Variants in BRD4 observed in about 807,000 individuals in gnomAD.
BRD4 encodes the protein bromodomain containing 4.
Under a neutral mutation model 142.1 loss-of-function variants are expected in BRD4, and 16 were observed. The observed-to-expected ratio is 0.11, with a 90% CI of 0.08 to 0.17. BRD4 has a LOEUF of 0.17. Ranked by LOEUF, BRD4 falls within the 10% of genes least tolerant of loss-of-function variation. The probability of loss-of-function intolerance (pLI) is 1.00; values close to 1 mark genes in which losing one functional copy is unlikely to be tolerated. For missense variants in BRD4, 1,424 were observed against 1,810.9 expected (o/e 0.79, Z 3.88); for synonymous variants, 833 against 707.5 (o/e 1.18, Z -2.82).
intron 2 of BRD4, among the ~76,000 whole-genome samples, chr19:15,272,165 A>G (rs2047595054): frequency 1.3e-5 from 2 of 152,186 alleles, no homozygotes; most frequent in Admixed American, 1.3e-4. Flanking sequence ...ACATGGGCAT[A>G]TGGAAAACTC....
intron 1 of BRD4, among the ~76,000 whole-genome samples, chr19:15,317,497 T>C (rs143293351): frequency 1.3e-5 from 2 of 152,154 alleles, no homozygotes; most frequent in South Asian, 4.1e-4. Context: ...AAATGTAGTT[T>C]TATACTTTAC....
chr19:15,308,147 CGGGGGGGGGGGG>C (rs797004193), intron 1 of BRD4, among the ~76,000 whole-genome samples: 1 of 2,962 alleles, frequency 3.4e-4, no homozygotes, highest in Non-Finnish European at 8.6e-4. Flanking sequence ...GTTGCGGGGC[CGGGGGGGGGGGG>C]GGGGGTGGGT....
In BRD4 at chr19:15,239,319, A is replaced by G; in HGVS notation, c.3577-55T>C. 6.2e-7 allele frequency: 1 copy of G among 1,613,956 alleles called. No individual in the cohort carries two copies. The highest frequency in any genetic ancestry group is 8.5e-7 in the Non-Finnish European group (1 of 1,180,006). ...GGGGTCTGCTGTGCCTAAAGGGCAT[A>G]GCTGGGGGTGTGCCCAGCATGGCAC... is the stretch of plus-strand genomic sequence containing the variant. On this transcript the variant is annotated intron_variant, in intron 17 of 19. Coordinates refer to ENST00000679869, the MANE Select transcript of BRD4 (RefSeq NM_001379291.1). This position sits in a 1 kb window ranked among gnomAD's most constrained non-coding sequence, Gnocchi z 7.4.
chr19:15,253,664 C>T, intron 11 of BRD4: 1 of 1,598,250 alleles, frequency 6.3e-7, no homozygotes, highest in Non-Finnish European at 8.5e-7. Flanking sequence ...GGCTGGCCAG[C>T]TGCAGTCTGC....
At chr19:15,330,731 C>T (rs1457187032) in intron 1 of BRD4, among the ~76,000 whole-genome samples, 1 of 152,160 alleles carries the variant, frequency 6.6e-6, no homozygotes, top group Non-Finnish European at 1.5e-5. Context: ...CGCGCCACTG[C>T]ACTACAGCCT....
chr19:15,302,498 G>C (rs1225649646), intron 1 of BRD4, among the ~76,000 whole-genome samples: 3 of 151,960 alleles, frequency 2.0e-5, no homozygotes, highest in Non-Finnish European at 4.4e-5. Flanking sequence ...GCAAAACCCT[G>C]TCTCTACTAA....
intron 1 of BRD4, among the ~76,000 whole-genome samples, chr19:15,319,904 A>G (rs898900921): frequency 6.6e-6 from 1 of 152,004 alleles, no homozygotes; most frequent in Non-Finnish European, 1.5e-5. Context: ...CCACTGCACT[A>G]CGGCCTGGGC....
At chr19:15,324,524 A>T (rs1248119984) in intron 1 of BRD4, among the ~76,000 whole-genome samples, 1 of 152,054 alleles carries the variant, frequency 6.6e-6, no homozygotes, top group Admixed American at 6.6e-5. Flanking sequence ...ACTCTACCAA[A>T]CTTTTCCAGG....
chr19:15,300,573 AAATC>A (rs1226761746), intron 1 of BRD4, among the ~76,000 whole-genome samples: 1 of 151,740 alleles, frequency 6.6e-6, no homozygotes, highest in Non-Finnish European at 1.5e-5. Context: ...CAAAAACAAA[AAATC>A]AAACAAAACC....
At chr19:15,283,425 TAAAACTATAA>T (rs1568397313) in intron 1 of BRD4, among the ~76,000 whole-genome samples, 1 of 152,208 alleles carries the variant, frequency 6.6e-6, no homozygotes, top group African/African-American at 2.4e-5. Flanking sequence ...CATTTAAATT[TAAAACTATAA>T]AAATTTCCTA....
At chr19:15,329,581 A>G (rs1425549465) in intron 1 of BRD4, among the ~76,000 whole-genome samples, 1 of 152,078 alleles carries the variant, frequency 6.6e-6, no homozygotes, top group Non-Finnish European at 1.5e-5. Flanking sequence ...TCTACTAAAA[A>G]TACAAAAATT....
At chr19:15,330,094 T>C (rs2048143997) in intron 1 of BRD4, among the ~76,000 whole-genome samples, 1 of 152,216 alleles carries the variant, frequency 6.6e-6, no homozygotes, top group Non-Finnish European at 1.5e-5. Flanking sequence ...CTTCTTATCT[T>C]TCATCCGTAG....
At chr19:15,251,190 T>G (rs1224535163) in intron 11 of BRD4, among the ~76,000 whole-genome samples, 1 of 151,968 alleles carries the variant, frequency 6.6e-6, no homozygotes. Flanking sequence ...CGTTGCTCCC[T>G]GAACTAGAGC....
rs1418223625 is a variant in BRD4 at position 15,255,695 on chromosome 19, AC to A, written c.1752-104del. On this transcript the variant is annotated intron_variant, in intron 9 of 19. Coordinates refer to ENST00000679869, the MANE Select transcript of BRD4 (RefSeq NM_001379291.1). ...TGGGGGGAAGGGGTGCCCTTCCCAT[AC>A]CCCCCACCCACCAGCCTTCACAGGA... 8.5e-5 allele frequency: 117 copies of A among 1,371,622 alleles called. No homozygotes were observed. In the East Asian group the frequency reaches 2.5e-3, roughly 30 times the overall value. The allele number at this position is 1,371,622 out of a possible 1,614,324, so 85.0% of individuals were successfully genotyped here. A position where few individuals can be genotyped will look rare whatever the true frequency, so the allele number is the denominator to read the frequency against.
At chr19:15,317,195 T>C (rs1450440956) in intron 1 of BRD4, among the ~76,000 whole-genome samples, 1 of 152,198 alleles carries the variant, frequency 6.6e-6, no homozygotes, top group Non-Finnish European at 1.5e-5. Context: ...ACCTTCCGTA[T>C]CTGCAAACCG....
In BRD4 at chr19:15,326,757, C is replaced by G. The variant is rs181976621; in HGVS notation, c.-35+5533G>C. Among the ~76,000 whole-genome samples, 3 of 152,296 alleles carry G rather than the reference C, an allele frequency of 2.0e-5. No individual in the cohort carries two copies. The East Asian group carries it at 5.8e-4, about 29-fold the overall frequency. ...AGGACAAGAATGGGACAGACGGCTG[C>G]TCTGCCCTCACCCTGACTCAGAACT... On this transcript the variant is annotated intron_variant, in intron 1 of 19. Transcript: ENST00000679869.
At chr19:15,246,794 C>G (rs892118030) in intron 11 of BRD4, among the ~76,000 whole-genome samples, 1 of 151,964 alleles carries the variant, frequency 6.6e-6, no homozygotes, top group Non-Finnish European at 1.5e-5. Context: ...TCTCCAGGGC[C>G]CCTTGCAAGT....
intron 1 of BRD4, among the ~76,000 whole-genome samples, chr19:15,331,539 C>A (rs1399852559): frequency 6.6e-6 from 1 of 152,212 alleles, no homozygotes; most frequent in African/African-American, 2.4e-5. Flanking sequence ...GTCAAGCGGG[C>A]CAAGCTCGCC....
At chr19:15,247,220 G>A (rs939195474) in intron 11 of BRD4, 18 of 230,520 alleles carry the variant, frequency 7.8e-5, no homozygotes, top group Admixed American at 1.7e-4. Context: ...GTAATGGAGG[G>A]TAAGGTCAGG....
Sources: gnomAD v4.1 joint callset for allele counts (sites outside exome capture counted in the v4.1 genomes callset) on GRCh38, gnomAD v4.1.1 for gene constraint, Gnocchi (gnomAD v3.1) non-coding constraint, MANE v1.5 for transcripts, NCBI Gene and HGNC (gene_info 2026-07-23, HGNC 2026-07-21) for gene names.